Variants in ZNF385D observed in about 807,000 individuals in gnomAD.
ZNF385D encodes the protein zinc finger protein 385D, also known as zinc finger protein 659.
A neutral mutation model predicts 35.8 loss-of-function variants in ZNF385D; 15 were observed. That is an observed-to-expected ratio of 0.42 (90% CI 0.28 to 0.64). The LOEUF is 0.64. ZNF385D is among the 30% of genes least tolerant of loss of function. The pLI is 0.23. For synonymous variants in ZNF385D, 212 were observed against 186.8 expected, an observed-to-expected ratio of 1.13 and a Z score of -1.10; for missense variants, 474 against 494.6, an observed-to-expected ratio of 0.96 and a Z score of 0.39.
chr3:22,234,349 G>A (rs562232694), intron 2 of ZNF385D, among the ~76,000 whole-genome samples: 3 of 152,190 alleles, frequency 2.0e-5, no homozygotes, highest in African/African-American at 4.8e-5. Flanking sequence ...TCACCCTAGT[G>A]CTTTTTGAAG....
chr3:21,952,727 C>T (rs1702119237), intron 3 of ZNF385D, among the ~76,000 whole-genome samples: 2 of 151,828 alleles, frequency 1.3e-5, no homozygotes, highest in African/African-American at 4.8e-5. Flanking sequence ...TTTTTGGTGA[C>T]TGGTATCAAA....
chr3:21,693,773 T>A (rs927743553), intron 1 of ZNF385D, among the ~76,000 whole-genome samples: 1 of 151,456 alleles, frequency 6.6e-6, no homozygotes, highest in Non-Finnish European at 1.5e-5. Flanking sequence ...TTTATGAATT[T>A]AAAAAATAAA....
At chr3:22,284,215 C>T (rs760426879) in intron 2 of ZNF385D, among the ~76,000 whole-genome samples, 5 of 151,984 alleles carry the variant, frequency 3.3e-5, no homozygotes, top group African/African-American at 9.7e-5. Context: ...GTTTTTGAGA[C>T]GGAGTCTCTG....
intron 2 of ZNF385D, among the ~76,000 whole-genome samples, chr3:22,192,676 A>T (rs749777744): frequency 6.6e-6 from 1 of 152,180 alleles, no homozygotes; most frequent in African/African-American, 2.4e-5. Context: ...AACCTCATGA[A>T]AAAACCTCAG....
chr3:21,986,047 T>G lies in ZNF385D; in HGVS notation c.325+182770A>C, dbSNP rs1326803778. ...ATCATTTTTTATTGTGTCTATTTGA[T>G]TCTTCTCTCTTTTTTTCTTTATTAG... On this transcript the variant is annotated intron_variant, in intron 3 of 5. Coordinates refer to the ZNF385D transcript ENST00000494108. 5.3e-4 allele frequency among the ~76,000 whole-genome samples: 55 copies of G among 104,292 alleles called. 4 individuals are homozygous for G. The highest frequency in any genetic ancestry group is 9.4e-4 in the Admixed American group (11 of 11,684). 68.4% of individuals were successfully genotyped at this position (104,292 alleles called of 152,430 possible).
Position 21,520,153 on chromosome 3 carries a change from C to G in ZNF385D, c.277-9130G>C, listed in dbSNP as rs567860153. ...TTTTAAGCCCTTGTATAAAGAGTTC[C>G]CTCTGCCTGGAGCACCTGTACTTGC... On this transcript the variant is annotated intron_variant, in intron 3 of 7. Transcript: ENST00000281523. 2.0e-5 allele frequency among the ~76,000 whole-genome samples: 3 copies of G among 152,234 alleles called. No homozygotes were observed. The South Asian group carries it at 6.2e-4, about 32-fold the overall frequency.
intron 2 of ZNF385D, among the ~76,000 whole-genome samples, chr3:22,261,261 A>T (rs754985017): frequency 2.0e-5 from 3 of 151,982 alleles, no homozygotes; most frequent in Non-Finnish European, 4.4e-5. Flanking sequence ...GAGACAGAGA[A>T]CCAGCTAGAC....
chr3:21,537,179 C>A (rs939672056), intron 3 of ZNF385D, among the ~76,000 whole-genome samples: 14 of 140,560 alleles, frequency 1.0e-4, no homozygotes, highest in Non-Finnish European at 1.8e-4. Context: ...GTCACCCACG[C>A]TGGAGTGCAG....
intron 3 of ZNF385D, among the ~76,000 whole-genome samples, chr3:21,909,611 A>G (rs1369402348): frequency 6.6e-6 from 1 of 152,090 alleles, no homozygotes; most frequent in Non-Finnish European, 1.5e-5. Context: ...AAGGTCCTGA[A>G]TGGATTGTTG....
intron 4 of ZNF385D, among the ~76,000 whole-genome samples, chr3:21,508,221 G>A (rs1225492642): frequency 2.0e-5 from 3 of 152,030 alleles, no homozygotes; most frequent in Non-Finnish European, 4.4e-5. Flanking sequence ...CCACTGTTAG[G>A]TAAGTTCTGG....
At chr3:22,264,371 T>A (rs1700789610) in intron 2 of ZNF385D, among the ~76,000 whole-genome samples, 2 of 151,952 alleles carry the variant, frequency 1.3e-5, no homozygotes, top group Non-Finnish European at 2.9e-5. Context: ...CCACTGAAAG[T>A]GGTGAATGCT....
At chr3:22,208,374 G>A (rs1272709623) in intron 2 of ZNF385D, among the ~76,000 whole-genome samples, 2 of 151,736 alleles carry the variant, frequency 1.3e-5, no homozygotes, top group African/African-American at 4.8e-5. Context: ...TTTATTTGTG[G>A]GAGCTAAAAA....
intron 3 of ZNF385D, among the ~76,000 whole-genome samples, chr3:22,122,868 T>C (rs950800235): frequency 6.6e-6 from 1 of 152,130 alleles, no homozygotes; most frequent in African/African-American, 2.4e-5. Context: ...TTCCTTTGCA[T>C]TGGCAAAAGA....
At chr3:21,751,325 G>A, upstream of ZNF385D, 1 of 1,060,926 alleles carries the variant, frequency 9.4e-7, no homozygotes, top group Non-Finnish European at 1.1e-6. Flanking sequence ...GGGAAGCTTT[G>A]ACGAGCCCAG....
intron 3 of ZNF385D, among the ~76,000 whole-genome samples, chr3:21,865,006 T>TTTTTTTTC (rs1559703241): frequency 7.1e-6 from 1 of 141,442 alleles, no homozygotes; most frequent in Non-Finnish European, 1.5e-5. Flanking sequence ...TTTTTTTTCT[T>TTTTTTTTC]CCACTTTGCA....
chr3:21,838,893 A>C (rs1188866240), intron 3 of ZNF385D, among the ~76,000 whole-genome samples: 1 of 152,106 alleles, frequency 6.6e-6, no homozygotes, highest in Non-Finnish European at 1.5e-5. Flanking sequence ...CATAATAATA[A>C]CACCACAAAC....
chr3:22,355,454 G>A (rs73142205), intron 2 of ZNF385D, among the ~76,000 whole-genome samples: 10,234 of 151,854 alleles, frequency 0.067, 1,048 homozygotes, highest in African/African-American at 0.23. Context: ...AAATAACAAC[G>A]TATGATATAA....
chr3:21,779,249 A>T (rs1242392103), intron 3 of ZNF385D, among the ~76,000 whole-genome samples: 5 of 151,976 alleles, frequency 3.3e-5, no homozygotes, highest in Non-Finnish European at 2.9e-5. Flanking sequence ...TATACTCTGC[A>T]AAACAAAATT....
chr3:22,231,878 A>G (rs1454761543), intron 2 of ZNF385D, among the ~76,000 whole-genome samples: 1 of 151,946 alleles, frequency 6.6e-6, no homozygotes, highest in East Asian at 1.9e-4. Context: ...CTTAGGATAG[A>G]ATTCTCACAA....
Sources: allele counts gnomAD v4.1 joint callset (sites outside exome capture counted in the v4.1 genomes callset), GRCh38; gene constraint gnomAD v4.1.1; transcripts MANE v1.5; gene names NCBI Gene and HGNC (gene_info 2026-07-23, HGNC 2026-07-21).